Variants in SH2D4B observed in about 807,000 individuals in gnomAD.
The protein encoded by SH2D4B is SH2 domain containing 4B, also known as SH2 domain-containing protein 4B.
SH2D4B carries 45 observed loss-of-function variants against 61.5 expected under a neutral mutation model. The ratio of observed to expected loss-of-function variants is 0.73; its 90% CI spans 0.58 to 0.94. The LOEUF (loss-of-function observed/expected upper bound fraction) is 0.94, where lower values mean the gene tolerates loss of function less well. Among genes scored for constraint, SH2D4B ranks in the 40% least tolerant of loss-of-function variants. The pLI is 0.00. For missense variants in SH2D4B, 572 were observed against 574.2 expected, an observed-to-expected ratio of 1.00 and a Z score of 0.04; for synonymous variants, 224 against 220.4, an observed-to-expected ratio of 1.02 and a Z score of -0.14.
intron 1 of SH2D4B, among the ~76,000 whole-genome samples, chr10:80,557,292 C>A (rs6586067): frequency 0.21 from 32,333 of 151,904 alleles, 4,105 homozygotes; most frequent in African/African-American, 0.35. Context: ...TTTGCTAATA[C>A]TTTATTAAGA....
Position 80,538,280 on chromosome 10 carries a change from C to A in SH2D4B, c.-52C>A. On this transcript the variant is annotated 5_prime_UTR_variant, in exon 1 of 8. Coordinates refer to ENST00000646907, the MANE Select transcript of SH2D4B (RefSeq NM_001388272.1). This position sits in a 1 kb window ranked among gnomAD's most constrained non-coding sequence, Gnocchi z 4.8. ...GCAGCCCCTCGGGCGTTCTGCCTGG[C>A]CCTGCTTCCCCTGCTGGCTGCCCTT... 7.8e-7 allele frequency: 1 copy of A among 1,283,044 alleles called. No homozygotes were observed. The highest frequency in any genetic ancestry group is 2.8e-5 in the South Asian group (1 of 35,810). 79.5% of individuals were successfully genotyped at this position (1,283,044 alleles called of 1,614,324 possible).
intron 4 of SH2D4B, among the ~76,000 whole-genome samples, chr10:80,595,472 G>C (rs1450576349): frequency 6.6e-6 from 1 of 152,140 alleles, no homozygotes; most frequent in Non-Finnish European, 1.5e-5. Context: ...ATGGTCCCTG[G>C]TCCCCTGAAT....
At chr10:80,627,975 C>T (rs1373016178) in intron 6 of SH2D4B, among the ~76,000 whole-genome samples, 1 of 152,202 alleles carries the variant, frequency 6.6e-6, no homozygotes, top group Non-Finnish European at 1.5e-5. Flanking sequence ...ATCCCTTAGC[C>T]AGGCCCAGTC....
intron 2 of SH2D4B, 105 bp downstream of exon 2, chr10:80,570,421 T>G: frequency 7.2e-7 from 1 of 1,379,352 alleles, no homozygotes; most frequent in South Asian, 1.4e-5. Context: ...AGTTCCATCA[T>G]GTTGGCCGGG....
chr10:80,540,541 G>A (rs1355371382), intron 1 of SH2D4B, among the ~76,000 whole-genome samples: 1 of 152,142 alleles, frequency 6.6e-6, no homozygotes, highest in African/African-American at 2.4e-5. Context: ...GAAGTGATGC[G>A]CTACATCCAA....
At chr10:80,581,431 C>T (rs1842183289) in intron 3 of SH2D4B, among the ~76,000 whole-genome samples, 1 of 152,160 alleles carries the variant, frequency 6.6e-6, no homozygotes, top group African/African-American at 2.4e-5. Context: ...ATCCCCGGGA[C>T]CTCAGAATGT....
At position 80,634,386 on chromosome 10, in the gene SH2D4B, T is replaced by C; in HGVS notation, c.1090T>C (p.Tyr364His). The change falls in exon 7 of 8, where the codon TAC becomes CAC. Residue 364 changes from tyrosine to histidine, a missense_variant. Coordinates refer to ENST00000646907, the MANE Select transcript of SH2D4B (RefSeq NM_001388272.1). ...GAAAATCTGGGGTTACACCCTCTCC[T>C]ACCGCCTGCAGAAAGGGTTCAAACA... ...SEKIWGYTLS[Y>H]RLQKGFKHFL... The C allele has an allele frequency of 6.4e-7, 1 of 1,550,662 alleles. No individual in the cohort carries two copies. Among genetic ancestry groups the C allele is most frequent in the Non-Finnish European group, 8.7e-7 (1 of 1,147,000 alleles).
rs544580196 is a variant in SH2D4B, at chr10:80,554,057, G to A, written c.184+15542G>A. ...CCCAGTGAAGCAAAGTATGTTGTGA[G>A]TACTTGATAAACATTAGCAGAGCAC... On this transcript the variant is annotated intron_variant, in intron 1 of 7. Coordinates refer to ENST00000646907, the MANE Select transcript of SH2D4B (RefSeq NM_001388272.1). Among the ~76,000 whole-genome samples the A allele has an allele frequency of 2.6e-5, 4 of 152,344 alleles. No homozygotes were observed. The South Asian group carries it at 8.3e-4, about 32-fold the overall frequency.
intron 7 of SH2D4B, 42 bp downstream of exon 7, chr10:80,634,547 G>A: frequency 6.5e-7 from 1 of 1,542,962 alleles, no homozygotes. Flanking sequence ...GGGGGAACTG[G>A]TGGAAATTGG....
At chr10:80,570,418 T>C (rs1589339030) in intron 2 of SH2D4B, 102 bp downstream of exon 2, 1 of 1,395,582 alleles carries the variant, frequency 7.2e-7, no homozygotes, top group East Asian at 2.4e-5. Context: ...TGGAGTTCCA[T>C]CATGTTGGCC....
Position 80,609,491 on chromosome 10 carries a change from C to CA in SH2D4B, c.929dup (p.Leu311AlafsTer23), listed in dbSNP as rs751608847. ...CATCGTCCGCTGGTTTAAGGAGGAG[C>CA]AGCTGCCTCGCCGAGCTGGCTTCGA... On this transcript the variant is annotated frameshift_variant, in exon 6 of 8. Coordinates refer to ENST00000646907, the MANE Select transcript of SH2D4B (RefSeq NM_001388272.1). LOFTEE classifies it high-confidence loss of function. 6.2e-7 allele frequency: 1 copy of CA among 1,614,112 alleles called. No individual in the cohort carries two copies. The highest frequency in any genetic ancestry group is 1.3e-5 in the African/African-American group (1 of 74,944).
intron 1 of SH2D4B, among the ~76,000 whole-genome samples, chr10:80,544,924 C>T (rs1000978022): frequency 2.0e-5 from 3 of 152,178 alleles, no homozygotes; most frequent in Non-Finnish European, 4.4e-5. Context: ...TCCCCAGATC[C>T]TCATGAGGCT....
At chr10:80,642,391 G>A (rs552367175) in intron 7 of SH2D4B, among the ~76,000 whole-genome samples, 1 of 152,310 alleles carries the variant, frequency 6.6e-6, no homozygotes, top group South Asian at 2.1e-4. Flanking sequence ...TTATGTGTTT[G>A]ACTTTGGACG....
chr10:80,629,036 A>AAAAAAAAAAAG (rs142895629), intron 6 of SH2D4B, among the ~76,000 whole-genome samples: 1 of 144,964 alleles, frequency 6.9e-6, no homozygotes, highest in African/African-American at 2.7e-5. Context: ...TCTCAAAAAA[A>AAAAAAAAAAAG]AAAAAGAAAA....
intron 5 of SH2D4B, among the ~76,000 whole-genome samples, chr10:80,604,914 A>C (rs1208259481): frequency 2.6e-5 from 4 of 151,578 alleles, no homozygotes; most frequent in East Asian, 1.9e-4. Flanking sequence ...CTGCCTCAGC[A>C]TCCCAAGTAG....
rs1210225753 is a variant in SH2D4B at position 80,539,014 on chromosome 10, G to C, written c.184+499G>C. On this transcript the variant is annotated intron_variant, in intron 1 of 7. Transcript: ENST00000646907. This position sits in a 1 kb window ranked among gnomAD's most constrained non-coding sequence, Gnocchi z 4.9. The stretch of plus-strand genomic sequence containing the variant: ...CCAGATCCTCCGGCAGGAGGATGCT[G>C]TGGGTTGTCTCTGGAGCCCCACTGG... Among the ~76,000 whole-genome samples the C allele has an allele frequency of 6.6e-6, 1 of 152,248 alleles. No homozygotes were observed. The highest frequency in any genetic ancestry group is 1.5e-5 in the Non-Finnish European group (1 of 68,044).
At chr10:80,549,028 C>G (rs1841719970) in intron 1 of SH2D4B, among the ~76,000 whole-genome samples, 1 of 152,128 alleles carries the variant, frequency 6.6e-6, no homozygotes, top group Non-Finnish European at 1.5e-5. Flanking sequence ...GATGAGGCAT[C>G]ATGGTGGGTG....
At chr10:80,547,718 C>A (rs1841700996) in intron 1 of SH2D4B, among the ~76,000 whole-genome samples, 1 of 152,130 alleles carries the variant, frequency 6.6e-6, no homozygotes. Context: ...GGAGGAAATA[C>A]TTGATCACGT....
At chr10:80,559,799 G>T (rs1841880556) in intron 1 of SH2D4B, among the ~76,000 whole-genome samples, 1 of 150,930 alleles carries the variant, frequency 6.6e-6, no homozygotes, top group Non-Finnish European at 1.5e-5. Context: ...CACCACGTCT[G>T]GCTAATTTTT....
Sources: allele counts gnomAD v4.1 joint callset (sites outside exome capture counted in the v4.1 genomes callset), GRCh38; gene constraint gnomAD v4.1.1; non-coding constraint Gnocchi (gnomAD v3.1); transcripts MANE v1.5; gene names NCBI Gene and HGNC (gene_info 2026-07-23, HGNC 2026-07-21).